Variants in DNAJC10 observed in about 807,000 individuals in gnomAD.
The protein encoded by DNAJC10 is DnaJ heat shock protein family (Hsp40) member C10, also known as endoplasmic reticulum disulfide reductase DNAJC10.
A neutral mutation model predicts 115.0 loss-of-function variants in DNAJC10; 101 were observed. The observed-to-expected ratio is 0.88, with a 90% confidence interval of 0.75 to 1.04. The LOEUF (loss-of-function observed/expected upper bound fraction) is 1.04, where lower values mean the gene tolerates loss of function less well. DNAJC10 is among the 50% of genes least tolerant of loss of function. DNAJC10 has a pLI of 0.00. For synonymous variants in DNAJC10, 307 were observed against 301.5 expected (o/e 1.02, Z -0.19); for missense variants, 981 against 928.8 (o/e 1.06, Z -0.73).
In DNAJC10 at chr2:182,743,657, G is replaced by A; in HGVS notation, c.1251G>A (p.Gln417=). ...PDICSNLYVF[Q]PSLAVFKGQG... is the part of the protein sequence containing the mutation. ...TCTGTAGTAATCTGTATGTTTTTCA[G>A]CCGTCTCTAGCAGTATTTAAAGGAC... Residue 417 remains glutamine, a synonymous_variant, in exon 14 of 24, where the codon CAG becomes CAA. Coordinates refer to ENST00000264065, the MANE Select transcript of DNAJC10 (RefSeq NM_018981.4). 6.2e-7 allele frequency: 1 copy of A among 1,613,446 alleles called. No homozygotes were observed. The highest frequency in any genetic ancestry group is 8.5e-7 in the Non-Finnish European group (1 of 1,179,712).
chr2:182,752,394 T>G (rs1339012901), intron 16 of DNAJC10, among the ~76,000 whole-genome samples: 1 of 152,196 alleles, frequency 6.6e-6, no homozygotes, highest in Non-Finnish European at 1.5e-5. Context: ...ATGCATTGAA[T>G]GTAAATAAGG....
intron 5 of DNAJC10, among the ~76,000 whole-genome samples, chr2:182,726,832 A>G (rs767128036): frequency 5.3e-5 from 8 of 152,184 alleles, no homozygotes; most frequent in Non-Finnish European, 1.2e-4. Context: ...CCTGGGCTCA[A>G]GCAATCCTGC....
At chr2:182,775,061 G>A (rs1694669221) in intron 22 of DNAJC10, among the ~76,000 whole-genome samples, 1 of 146,226 alleles carries the variant, frequency 6.8e-6, no homozygotes, top group South Asian at 2.1e-4. Flanking sequence ...GGCTTTTGGA[G>A]TCAGTGATGC....
At chr2:182,742,395 G>C (rs1217221902) in intron 13 of DNAJC10, among the ~76,000 whole-genome samples, 1 of 152,102 alleles carries the variant, frequency 6.6e-6, no homozygotes, top group South Asian at 2.1e-4. Flanking sequence ...TCTCCATATT[G>C]GCCAAGCTGG....
intron 21 of DNAJC10, among the ~76,000 whole-genome samples, chr2:182,761,243 T>C (rs1160070481): frequency 6.6e-6 from 1 of 152,174 alleles, no homozygotes; most frequent in Non-Finnish European, 1.5e-5. Context: ...GTGTCAGTGA[T>C]GCCAGAGAAG....
intron 4 of DNAJC10, 31 bp downstream of exon 4, chr2:182,720,200 TG>T: frequency 6.4e-7 from 1 of 1,553,292 alleles, no homozygotes; most frequent in Non-Finnish European, 8.7e-7. Context: ...TTATGAAATG[TG>T]TTTTATCTGA....
chr2:182,720,280 C>G (rs934374271), intron 4 of DNAJC10, 111 bp downstream of exon 4: 2 of 868,554 alleles, frequency 2.3e-6, no homozygotes, highest in Non-Finnish European at 3.7e-6. Flanking sequence ...TTGATTAGCT[C>G]CTTTTAATTT....
intron 10 of DNAJC10, 49 bp from the exon 11 acceptor site, chr2:182,736,200 C>T: frequency 6.6e-7 from 1 of 1,521,888 alleles, no homozygotes; most frequent in South Asian, 1.4e-5. Flanking sequence ...ATCCCTTTAA[C>T]TTTTTGCCTC....
In DNAJC10 at chr2:182,790,631, C is replaced by G. The variant is rs1361711023; in HGVS notation, c.*13499C>G. ...TGAAACGCCGTCTCTACTAAAAATACAAAAAAAAATGGCCAGGCGTGGTGG... is the reference window on the plus strand; with the variant it reads ...TGAAACGCCGTCTCTACTAAAAATAGAAAAAAAAATGGCCAGGCGTGGTGG... On this transcript the variant is annotated 3_prime_UTR_variant, in exon 24 of 24. Coordinates refer to ENST00000264065, the MANE Select transcript of DNAJC10 (RefSeq NM_018981.4). 5 of 149,340 alleles carry G rather than the reference C, an allele frequency of 3.3e-5. No individual in the cohort carries two copies. The highest frequency in any genetic ancestry group is 6.0e-5 in the Non-Finnish European group (4 of 67,210). The allele number at this position is 149,340 out of a possible 1,614,324, so 9.3% of individuals were successfully genotyped here. A position where few individuals can be genotyped will look rare whatever the true frequency, so the allele number is the denominator to read the frequency against.
In DNAJC10 at chr2:182,787,424, T is replaced by G. The variant is rs1199996424; in HGVS notation, c.*10292T>G. The G allele has an allele frequency of 1.3e-5, 2 of 152,132 alleles. No individual in the cohort carries two copies. Among genetic ancestry groups the G allele is most frequent in the African/African-American group, 4.8e-5 (2 of 41,428 alleles). 9.4% of individuals were successfully genotyped at this position (152,132 alleles called of 1,614,324 possible). On this transcript the variant is annotated 3_prime_UTR_variant, in exon 24 of 24. Transcript: ENST00000264065. ...TTTATAAGCTCTGCTATTCAAGAAG[T>G]TTATACAAACCCGTAATGTACTACC...
intron 8 of DNAJC10, 43 bp downstream of exon 8, chr2:182,729,984 G>T: frequency 7.4e-7 from 1 of 1,359,504 alleles, no homozygotes; most frequent in South Asian, 1.2e-5. Context: ...AGGGTATTTT[G>T]AAATCAGTAT....
intron 23 of DNAJC10, among the ~76,000 whole-genome samples, chr2:182,776,843 C>G (rs191174989): frequency 6.6e-6 from 1 of 152,096 alleles, no homozygotes; most frequent in Non-Finnish European, 1.5e-5. Flanking sequence ...TCTAAAATAT[C>G]ATACCTGAAA....
rs1315853490 is a variant in DNAJC10 at position 182,722,020 on chromosome 2, A to G, written c.368-5A>G. 1 of 1,475,012 alleles carries G rather than the reference A, an allele frequency of 6.8e-7. No individual in the cohort carries two copies. Among genetic ancestry groups the G allele is most frequent in the Non-Finnish European group, 9.2e-7 (1 of 1,084,018 alleles). The allele number at this position is 1,475,012 out of a possible 1,614,324, so 91.4% of individuals were successfully genotyped here. A position where few individuals can be genotyped will look rare whatever the true frequency, so the allele number is the denominator to read the frequency against. On this transcript the variant is annotated splice_region_variant and splice_polypyrimidine_tract_variant and intron_variant, in intron 4 of 23. Coordinates refer to ENST00000264065, the MANE Select transcript of DNAJC10 (RefSeq NM_018981.4). ...TTTATAATTTTTATATACTTTTAAAATTAGGTATTTATGATGATGATCCTG... is the reference window on the plus strand; with the variant it reads ...TTTATAATTTTTATATACTTTTAAAGTTAGGTATTTATGATGATGATCCTG...
chr2:182,719,155 C>A (rs879778064), intron 3 of DNAJC10, among the ~76,000 whole-genome samples: 1 of 150,250 alleles, frequency 6.7e-6, no homozygotes, highest in Non-Finnish European at 1.5e-5. Context: ...TTCTACCATC[C>A]GAGTATTATT....
chr2:182,732,044 C>G (rs1693460560), intron 9 of DNAJC10, among the ~76,000 whole-genome samples: 1 of 151,994 alleles, frequency 6.6e-6, no homozygotes, highest in Non-Finnish European at 1.5e-5. Context: ...TCATTGTATT[C>G]TAGTGTTCAT....
At position 182,732,516 on chromosome 2, in the gene DNAJC10, A is replaced by G. The variant is rs1283116896; in HGVS notation, c.823A>G (p.Thr275Ala). Residue 275 changes from threonine (T) to alanine (A), a missense_variant, in exon 10 of 24, where the codon ACA becomes GCA. By Grantham distance (58) the Thr-to-Ala change is moderately conservative (BLOSUM62 0). Coordinates refer to ENST00000264065, the MANE Select transcript of DNAJC10 (RefSeq NM_018981.4). ...GTCCCCAGATTGTTTGACTTCACAG[A>G]CACGACTCAGGCTTAGTGGCATGTT... is the stretch of plus-strand genomic sequence containing the variant. ...SKGGDCLTSQ[T>A]RLRLSGMLDG... is the part of the protein sequence containing the mutation. 1 of 1,613,556 alleles carries G rather than the reference A, an allele frequency of 6.2e-7. No homozygotes were observed. Among genetic ancestry groups the G allele is most frequent in the Admixed American group, 1.7e-5 (1 of 59,988 alleles).
intron 17 of DNAJC10, among the ~76,000 whole-genome samples, chr2:182,756,074 T>C (rs143213708): frequency 6.6e-6 from 1 of 152,310 alleles, no homozygotes; most frequent in African/African-American, 2.4e-5. Flanking sequence ...CTAAAGGACA[T>C]ACACAGATTG....
chr2:182,755,425 A>T (rs1574945972), intron 17 of DNAJC10, among the ~76,000 whole-genome samples: 1 of 145,428 alleles, frequency 6.9e-6, no homozygotes, highest in Admixed American at 6.8e-5. Flanking sequence ...AGTGTCTGGC[A>T]TCTACAGCAT....
chr2:182,751,130 CTTTTTTTTTTTT>C (rs773393648), intron 14 of DNAJC10, among the ~76,000 whole-genome samples: 13 of 85,180 alleles, frequency 1.5e-4, no homozygotes, highest in Admixed American at 5.2e-4. Context: ...GAGATTTTGA[CTTTTTTTTTTTT>C]TTTTTTTTTT....
Sources: allele counts gnomAD v4.1 joint callset (sites outside exome capture counted in the v4.1 genomes callset), GRCh38; gene constraint gnomAD v4.1.1; transcripts MANE v1.5; gene names NCBI Gene and HGNC (gene_info 2026-07-23, HGNC 2026-07-21).